Variants in BCAS1 observed in about 807,000 individuals in gnomAD.
The protein encoded by BCAS1 is breast carcinoma-amplified sequence 1.
In BCAS1, 46 loss-of-function variants were observed where a neutral mutation model predicts 65.4. The observed-to-expected ratio is 0.70, with a 90% confidence interval of 0.55 to 0.90. The LOEUF (loss-of-function observed/expected upper bound fraction) is 0.90, where lower values mean the gene tolerates loss of function less well. BCAS1 is among the 40% of genes least tolerant of loss of function. The pLI is 0.00. For missense variants in BCAS1, 793 were observed against 771.2 expected, an observed-to-expected ratio of 1.03 and a Z score of -0.33; for synonymous variants, 298 against 293.5, an observed-to-expected ratio of 1.02 and a Z score of -0.16.
At chr20:53,972,765 C>T (rs1012266286) in intron 9 of BCAS1, among the ~76,000 whole-genome samples, 2 of 152,066 alleles carry the variant, frequency 1.3e-5, no homozygotes, top group Admixed American at 6.6e-5. Context: ...GAAGTAAGCA[C>T]GTTATAGACA....
chr20:54,028,897 G>T lies in BCAS1; in HGVS notation c.218C>A (p.Ala73Glu), dbSNP rs757394101. ...SPETTEISAV[A>E]DANGKNLGKE... The stretch of plus-strand genomic sequence containing the variant: ...CCCAAGATTCTTTCCGTTGGCATCC[G>T]CAACAGCACTTATCTCCGTTGTCTC... The change falls in exon 4 of 13, where the codon GCG (alanine) becomes GAG (glutamate). Residue 73 changes from alanine (A) to glutamate (E), a missense_variant. Ala to Glu is a moderately radical substitution (Grantham distance 107). Coordinates refer to ENST00000688948, the MANE Select transcript of BCAS1 (RefSeq NM_001366298.2). 6.2e-7 allele frequency: 1 copy of T among 1,613,978 alleles called. No homozygotes were observed. The highest frequency in any genetic ancestry group is 1.1e-5 in the South Asian group (1 of 91,078).
Position 53,957,465 on chromosome 20 carries a change from T to C in BCAS1, c.1518A>G (p.Ser506=). 1 of 1,614,186 alleles carries C rather than the reference T, an allele frequency of 6.2e-7. No homozygotes were observed. Among genetic ancestry groups the C allele is most frequent in the Non-Finnish European group, 8.5e-7 (1 of 1,179,978 alleles). The change falls in exon 11 of 13, where the codon TCA becomes TCG. Residue 506 remains serine (S), a synonymous_variant. Coordinates refer to ENST00000688948, the MANE Select transcript of BCAS1 (RefSeq NM_001366298.2). Reference sequence around the variant, plus strand: ...TGGAGTCTTTCCCATTTATTTCTTCTGAGTGGGTGATCCCTCCATCCCCTT... The same window carrying C: ...TGGAGTCTTTCCCATTTATTTCTTCCGAGTGGGTGATCCCTCCATCCCCTT... The part of the protein sequence containing the change: ...SVKGDGGITH[S]EEINGKDSSC...
intron 3 of BCAS1, among the ~76,000 whole-genome samples, chr20:54,049,614 C>T (rs1400000800): frequency 6.6e-6 from 1 of 151,588 alleles, no homozygotes; most frequent in Non-Finnish European, 1.5e-5. Context: ...CTATGTTGCC[C>T]AGGCTGAACT....
intron 9 of BCAS1, among the ~76,000 whole-genome samples, 160 bp downstream of exon 9, chr20:53,975,229 T>C (rs1568832928): frequency 1.3e-5 from 2 of 152,170 alleles, no homozygotes; most frequent in Admixed American, 1.3e-4. Context: ...AATGTTATCC[T>C]CCATGCGTCC....
intron 2 of BCAS1, 141 bp from the exon 3 acceptor site, chr20:54,058,295 T>C: frequency 1.3e-6 from 1 of 798,876 alleles, no homozygotes; most frequent in Non-Finnish European, 2.0e-6. Context: ...ACTCCCCAGT[T>C]TTCTATCATG....
Position 54,028,610 on chromosome 20 carries a change from C to A in BCAS1, c.505G>T (p.Asp169Tyr), listed in dbSNP as rs2091730010. The change falls in exon 4 of 13, where the codon GAT becomes TAT. Residue 169 changes from aspartate to tyrosine, a missense_variant. Physicochemically the swap from Asp to Tyr is radical, Grantham distance 160. Transcript: ENST00000688948. ...GTCTCAGGTGGGAGAAGCGTGGGAT[C>A]CCTGGCGGCAGAGAGGACCTTGTCT... ...AQDKVLSAAR[D>Y]PTLLPPETGG... 6.2e-7 allele frequency: 1 copy of A among 1,614,066 alleles called. No homozygotes were observed. The highest frequency in any genetic ancestry group is 1.3e-5 in the African/African-American group (1 of 74,914).
intron 8 of BCAS1, among the ~76,000 whole-genome samples, chr20:53,981,674 G>A (rs1041038240): frequency 3.3e-5 from 5 of 151,788 alleles, no homozygotes; most frequent in Non-Finnish European, 7.4e-5. Context: ...GTAACTGTCA[G>A]AACTGAGATT....
chr20:53,960,816 C>A (rs1441122839), intron 10 of BCAS1, among the ~76,000 whole-genome samples: 1 of 152,096 alleles, frequency 6.6e-6, no homozygotes, highest in East Asian at 1.9e-4. Flanking sequence ...TTCAAAGGAA[C>A]CATAAACATA....
At chr20:53,994,894 C>T in intron 6 of BCAS1, 118 bp downstream of exon 6, 1 of 431,468 alleles carries the variant, frequency 2.3e-6, no homozygotes, top group Non-Finnish European at 4.3e-6. Context: ...ATGATACACA[C>T]ACACACACAC....
rs158545 is a variant in BCAS1 at position 54,024,713 on chromosome 20, G to A, written c.723+3679C>T. Among the ~76,000 whole-genome samples the A allele has an allele frequency of 7.2e-3, 1,095 of 152,218 alleles. 12 individuals carry two copies. The highest frequency in any genetic ancestry group is 0.025 in the African/African-American group (1,051 of 41,528). On this transcript the variant is annotated intron_variant, in intron 4 of 12. Transcript: ENST00000688948. ...AGTACCAGGGAGGTGGAAGGATGTT[G>A]TTTCAAACAGCAAGGTGTGGCCCAC...
intron 4 of BCAS1, among the ~76,000 whole-genome samples, chr20:54,024,171 G>A (rs1244204433): frequency 6.6e-6 from 1 of 152,214 alleles, no homozygotes. Flanking sequence ...CAGCCAGTAG[G>A]TGACAGAGGT....
At chr20:53,991,765 A>G (rs997256712) in intron 7 of BCAS1, among the ~76,000 whole-genome samples, 41 of 152,256 alleles carry the variant, frequency 2.7e-4, no homozygotes, top group African/African-American at 9.9e-4. Flanking sequence ...GACCACAGAA[A>G]GATAACATTA....
intron 8 of BCAS1, among the ~76,000 whole-genome samples, chr20:53,981,961 A>G (rs985638924): frequency 3.9e-5 from 6 of 152,172 alleles, no homozygotes; most frequent in Admixed American, 6.5e-5. Flanking sequence ...AGTCATGACC[A>G]CTGATTGTTC....
chr20:54,041,481 T>C (rs1471049356), intron 3 of BCAS1, among the ~76,000 whole-genome samples: 1 of 152,124 alleles, frequency 6.6e-6, no homozygotes, highest in Non-Finnish European at 1.5e-5. Flanking sequence ...ATGTTTGGCC[T>C]CATAAATAGT....
chr20:54,030,975 A>G (rs2091787536), intron 3 of BCAS1, among the ~76,000 whole-genome samples: 1 of 151,516 alleles, frequency 6.6e-6, no homozygotes, highest in Non-Finnish European at 1.5e-5. Context: ...GAAGTGTCAG[A>G]GTGAATATAA....
At chr20:54,069,768 C>T (rs892712147) in intron 1 of BCAS1, among the ~76,000 whole-genome samples, 5 of 152,198 alleles carry the variant, frequency 3.3e-5, no homozygotes, top group African/African-American at 1.2e-4. Context: ...GCTGAGGGAA[C>T]CTGCTCCAGG....
intron 10 of BCAS1, among the ~76,000 whole-genome samples, chr20:53,963,825 G>A (rs2089955107): frequency 6.6e-6 from 1 of 152,198 alleles, no homozygotes; most frequent in South Asian, 2.1e-4. Context: ...AAGAATGATT[G>A]CTAGAGCCAA....
intron 3 of BCAS1, among the ~76,000 whole-genome samples, chr20:54,037,935 T>G (rs1253993114): frequency 6.6e-6 from 1 of 151,386 alleles, no homozygotes; most frequent in Non-Finnish European, 1.5e-5. Flanking sequence ...AAAAACCCTG[T>G]TTTCTCACAT....
intron 7 of BCAS1, among the ~76,000 whole-genome samples, chr20:53,990,165 G>A (rs776163491): frequency 2.6e-5 from 4 of 152,190 alleles, no homozygotes; most frequent in Non-Finnish European, 4.4e-5. Flanking sequence ...AATCATGCAT[G>A]CTGCTTGCTA....
Sources: gnomAD v4.1 joint callset for allele counts (sites outside exome capture counted in the v4.1 genomes callset) on GRCh38, gnomAD v4.1.1 for gene constraint, MANE v1.5 for transcripts, NCBI Gene and HGNC (gene_info 2026-07-23, HGNC 2026-07-21) for gene names.